ZNF473: variants seen among roughly 807,000 people sequenced by gnomAD.
The protein encoded by ZNF473 is zinc finger protein 100 homolog.
ZNF473 carries 4 observed loss-of-function variants against 11.1 expected under a neutral mutation model. That is an observed-to-expected ratio of 0.36 (90% CI 0.18 to 0.82). The LOEUF is 0.82. Ranked by LOEUF, ZNF473 falls within the 40% of genes least tolerant of loss-of-function variation. ZNF473 has a pLI of 0.49. For synonymous variants in ZNF473, 404 were observed against 390.4 expected (o/e 1.03, Z -0.41); for missense variants, 854 against 1,084.0 (o/e 0.79, Z 2.98).
At chr19:50,029,281 T>G (rs746639077) in intron 1 of ZNF473, among the ~76,000 whole-genome samples, 12 of 152,312 alleles carry the variant, frequency 7.9e-5, no homozygotes, top group Admixed American at 3.3e-4. Flanking sequence ...TAACTGGGAC[T>G]ACAGGCGCCC....
Position 50,039,083 on chromosome 19 carries a change from C to T in ZNF473, c.10-78C>T, listed in dbSNP as rs1978627281. The T allele has an allele frequency of 6.3e-7, 1 of 1,575,144 alleles. No homozygotes were observed. Among genetic ancestry groups the T allele is most frequent in the Non-Finnish European group, 8.7e-7 (1 of 1,152,502 alleles). ...TGCCAAAGCCCTGGCAGATTGAGGG[C>T]TGGGAGTGCCCTGAGTGAGCTGTTG... On this transcript the variant is annotated intron_variant, in intron 2 of 4. Transcript: ENST00000270617. The surrounding 1 kb of genome is among the most constrained non-coding windows in gnomAD (Gnocchi z 4.8).
Position 50,046,339 on chromosome 19 carries a change from C to G in ZNF473, c.1896C>G (p.Ser632=). 1 of 1,614,144 alleles carries G rather than the reference C, an allele frequency of 6.2e-7. No homozygotes were observed. The highest frequency in any genetic ancestry group is 8.5e-7 in the Non-Finnish European group (1 of 1,180,032). ...AAGGGAAAGCCATCAGCAGTGCCTC[C>G]CTTATCAAACTTCAGTCCTTCCACA... is the stretch of plus-strand genomic sequence containing the variant. The part of the protein sequence containing the change: ...GEQGKAISSA[S]LIKLQSFHTK... The change falls in exon 5 of 5, where the codon TCC becomes TCG. Residue 632 remains serine (S), a synonymous_variant. Transcript: ENST00000270617. The surrounding 1 kb of genome is among the most constrained non-coding windows in gnomAD (Gnocchi z 5.9).
rs138208409 is a variant in ZNF473, at chr19:50,046,257, G to A, written c.1814G>A (p.Arg605Gln). ...GGGAAAGCCTTTGGCCAAAGTACTC[G>A]GCTCATTCACCATCAAAGAATCCAC... The part of the protein sequence containing the change: ...QCGKAFGQST[R>Q]LIHHQRIHSR... Residue 605 changes from arginine to glutamine, a missense_variant, in exon 5 of 5, where the codon CGG becomes CAG. Physicochemically the swap from Arg to Gln is conservative, Grantham distance 43. This residue lies in a region of ZNF473 where 668 missense variants were observed against 790.2 expected (regional missense o/e 0.85). Coordinates refer to ENST00000270617, the MANE Select transcript of ZNF473 (RefSeq NM_015428.4). This position sits in a 1 kb window ranked among gnomAD's most constrained non-coding sequence, Gnocchi z 5.9. The A allele has an allele frequency of 1.0e-4, 168 of 1,613,856 alleles. No homozygotes were observed. The highest frequency in any genetic ancestry group is 2.2e-4 in the South Asian group (20 of 91,068).
rs1191801181 is a variant in ZNF473, at chr19:50,045,464, A to T, written c.1021A>T (p.Ile341Phe). The T allele has an allele frequency of 1.2e-6, 2 of 1,614,142 alleles. No homozygotes were observed. The highest frequency in any genetic ancestry group is 1.7e-5 in the Admixed American group (1 of 60,016). ...RIFHLTRHQK[I>F]HTRKRYECSK... Reference sequence around the variant, plus strand: ...CTTCCACCTTACTCGGCACCAGAAGATCCACACTCGGAAACGCTATGAGTG... The same window carrying T: ...CTTCCACCTTACTCGGCACCAGAAGTTCCACACTCGGAAACGCTATGAGTG... The change falls in exon 5 of 5, where the codon ATC becomes TTC. Residue 341 changes from isoleucine (I) to phenylalanine (F), a missense_variant. Transcript: ENST00000270617.
chr19:50,031,468 C>G (rs2077317586), intron 2 of ZNF473, among the ~76,000 whole-genome samples: 1 of 152,192 alleles, frequency 6.6e-6, no homozygotes, highest in African/African-American at 2.4e-5. Flanking sequence ...TACTTTCCAG[C>G]AGCTTCCTTT....
In ZNF473 at chr19:50,045,885, A is replaced by G. The variant is rs1481340519; in HGVS notation, c.1442A>G (p.His481Arg). 2.5e-6 allele frequency: 4 copies of G among 1,614,126 alleles called. No individual in the cohort carries two copies. In the East Asian group the frequency reaches 8.9e-5, roughly 36 times the overall value. Residue 481 changes from histidine (H) to arginine (R), a missense_variant, in exon 5 of 5, where the codon CAC (histidine) becomes CGC (arginine). By Grantham distance (29) the His-to-Arg change is conservative. Transcript: ENST00000270617. ...CATCTGATGCGACATCAGGCCATTC[A>G]CACCGCAGAAAAGCCCTATAGCTGT... is the stretch of plus-strand genomic sequence containing the variant. Reference protein sequence around the residue: ...PSHLMRHQAIHTAEKPYSCAE... With the variant: ...PSHLMRHQAIRTAEKPYSCAE...
intron 2 of ZNF473, among the ~76,000 whole-genome samples, chr19:50,033,514 C>T (rs759352971): frequency 2.0e-5 from 3 of 152,134 alleles, no homozygotes; most frequent in Non-Finnish European, 2.9e-5. Context: ...ACAGGATCCC[C>T]CTTGCTCGTC....
rs1272569309 is a variant in ZNF473, at chr19:50,048,085, G to A, written c.*1026G>A. 1 of 151,036 alleles carries A rather than the reference G, an allele frequency of 6.6e-6. No individual in the cohort carries two copies. The highest frequency in any genetic ancestry group is 2.5e-5 in the African/African-American group (1 of 40,276). The allele number at this position is 151,036 out of a possible 1,614,324, so 9.4% of individuals were successfully genotyped here. A position where few individuals can be genotyped will look rare whatever the true frequency, so the allele number is the denominator to read the frequency against. On this transcript the variant is annotated 3_prime_UTR_variant, in exon 5 of 5. Coordinates refer to ENST00000270617, the MANE Select transcript of ZNF473 (RefSeq NM_015428.4). ...ATACACTATGCACTACTGCTCTGAA[G>A]CTTCTGGAATCAGAAATGAACCCAT...
rs750029359 is a variant in ZNF473, at chr19:50,039,323, C to T, written c.136+36C>T. The T allele has an allele frequency of 2.5e-6, 4 of 1,611,682 alleles. No homozygotes were observed. The highest frequency in any genetic ancestry group is 4.5e-5 in the East Asian group (2 of 44,826). The stretch of plus-strand genomic sequence containing the variant: ...CCTGTCCCCAGGGGCCTACTCACTG[C>T]CCTGCTTGGTGATCACCCATGCTCT... On this transcript the variant is annotated intron_variant, in intron 3 of 4. Coordinates refer to ENST00000270617, the MANE Select transcript of ZNF473 (RefSeq NM_015428.4). The surrounding 1 kb of genome is among the most constrained non-coding windows in gnomAD (Gnocchi z 4.8).
chr19:50,041,568 G>T, intron 3 of ZNF473, 162 bp from the exon 4 acceptor site: 1 of 511,526 alleles, frequency 2.0e-6, no homozygotes, highest in Non-Finnish European at 3.5e-6. Flanking sequence ...AACCCTACAG[G>T]ACAGGCATCC....
rs1979277554 is a variant in ZNF473, at chr19:50,048,640, ACT to A, written c.*1584_*1585del. On this transcript the variant is annotated 3_prime_UTR_variant, in exon 5 of 5. Coordinates refer to ENST00000270617, the MANE Select transcript of ZNF473 (RefSeq NM_015428.4). ...GTTGCAGGGCTGTGACACAATAGGG[ACT>A]CTATGGAAAACTGGCAGCCATTGGG... The A allele has an allele frequency of 6.6e-6, 1 of 152,098 alleles. No homozygotes were observed. The highest frequency in any genetic ancestry group is 6.6e-5 in the Admixed American group (1 of 15,254). The allele number at this position is 152,098 out of a possible 1,614,324, so 9.4% of individuals were successfully genotyped here.
chr19:50,046,731 G>T lies in ZNF473; in HGVS notation c.2288G>T (p.Cys763Phe). The change falls in exon 5 of 5, where the codon TGC becomes TTC. Residue 763 changes from cysteine (C) to phenylalanine (F), a missense_variant. By Grantham distance (205) the Cys-to-Phe change is radical. Transcript: ENST00000270617. The surrounding 1 kb of genome is among the most constrained non-coding windows in gnomAD (Gnocchi z 5.9). ...TGEKPYVCQE[C>F]GKAFTQSSCL... ...GAAAAGCCTTATGTTTGTCAGGAAT[G>T]CGGGAAAGCCTTCACCCAGAGCTCA... 1 of 1,614,214 alleles carries T rather than the reference G, an allele frequency of 6.2e-7. No homozygotes were observed. The highest frequency in any genetic ancestry group is 8.5e-7 in the Non-Finnish European group (1 of 1,180,028).
rs75290703 is a variant in ZNF473 at position 50,040,018 on chromosome 19, C to T, written c.136+731C>T. Among the ~76,000 whole-genome samples, 727 of 152,242 alleles carry T rather than the reference C, an allele frequency of 4.8e-3. 10 individuals carry two copies. Among genetic ancestry groups the T allele is most frequent in the African/African-American group, 0.017 (687 of 41,512 alleles). On this transcript the variant is annotated intron_variant, in intron 3 of 4. Transcript: ENST00000270617. ...AGAAGCTGGGTTGTCCCTCTTTTGC[C>T]GATTGGTCTGAAACTGAGGTTAAAA...
intron 2 of ZNF473, among the ~76,000 whole-genome samples, chr19:50,035,890 T>A (rs911499064): frequency 6.6e-6 from 1 of 152,184 alleles, no homozygotes; most frequent in Non-Finnish European, 1.5e-5. Context: ...CTGGGGATTG[T>A]GTAGCAGATG....
Position 50,046,757 on chromosome 19 carries a change from T to C in ZNF473, c.2314T>C (p.Cys772Arg). ...ECGKAFTQSSCLSIHRRVHTG... is the reference protein window; with the variant it reads ...ECGKAFTQSSRLSIHRRVHTG... ...CGGGAAAGCCTTCACCCAGAGCTCATGCCTTTCTATTCACCGGAGAGTTCA... is the reference window on the plus strand; with the variant it reads ...CGGGAAAGCCTTCACCCAGAGCTCACGCCTTTCTATTCACCGGAGAGTTCA... Residue 772 changes from cysteine (C) to arginine (R), a missense_variant, in exon 5 of 5, where the codon TGC (cysteine) becomes CGC (arginine). This residue lies in a region of ZNF473 where 186 missense variants were observed against 293.8 expected (regional missense o/e 0.63). Coordinates refer to ENST00000270617, the MANE Select transcript of ZNF473 (RefSeq NM_015428.4). This position sits in a 1 kb window ranked among gnomAD's most constrained non-coding sequence, Gnocchi z 5.9. 1 of 1,614,192 alleles carries C rather than the reference T, an allele frequency of 6.2e-7. No individual in the cohort carries two copies.
chr19:50,031,018 G>T lies in ZNF473; in HGVS notation c.-65G>T. 1 of 1,552,814 alleles carries T rather than the reference G, an allele frequency of 6.4e-7. No individual in the cohort carries two copies. Among genetic ancestry groups the T allele is most frequent in the Non-Finnish European group, 8.7e-7 (1 of 1,147,712 alleles). ...GCTCCCTTGTGCTTCCCACAGCCCTGCCAGCCGGGAACACGGAGGGGAAGG... is the reference window on the plus strand; with the variant it reads ...GCTCCCTTGTGCTTCCCACAGCCCTTCCAGCCGGGAACACGGAGGGGAAGG... On this transcript the variant is annotated 5_prime_UTR_variant, in exon 2 of 5. Transcript: ENST00000270617.
At chr19:50,034,929 C>T (rs916361073) in intron 2 of ZNF473, among the ~76,000 whole-genome samples, 3 of 152,134 alleles carry the variant, frequency 2.0e-5, no homozygotes, top group African/African-American at 7.2e-5. Flanking sequence ...GCCTTATCAC[C>T]TGTTCATTCA....
Position 50,039,496 on chromosome 19 carries a change from A to T in ZNF473, c.136+209A>T, listed in dbSNP as rs945971513. Among the ~76,000 whole-genome samples the T allele has an allele frequency of 2.0e-5, 3 of 152,252 alleles. No homozygotes were observed. Among genetic ancestry groups the T allele is most frequent in the Admixed American group, 2.0e-4 (3 of 15,288 alleles). ...CCTTGGGCCAGCGCAGCGTGCCGCT[A>T]GCATCTAGCTGGTGGAACCAAGGGA... is the stretch of plus-strand genomic sequence containing the variant. On this transcript the variant is annotated intron_variant, in intron 3 of 4. Transcript: ENST00000270617. The surrounding 1 kb of genome is among the most constrained non-coding windows in gnomAD (Gnocchi z 4.8).
chr19:50,045,673 A>G lies in ZNF473; in HGVS notation c.1230A>G (p.Lys410=), dbSNP rs1477474781. The change falls in exon 5 of 5, where the codon AAA becomes AAG. Residue 410 remains lysine (K), a synonymous_variant. Coordinates refer to ENST00000270617, the MANE Select transcript of ZNF473 (RefSeq NM_015428.4). The part of the protein sequence containing the change: ...EEPYKCNERG[K]SFRHNSTLKI... ...CTTATAAGTGTAACGAACGTGGGAA[A>G]TCCTTCAGGCATAACTCTACCCTAA... 1 of 1,613,976 alleles carries G rather than the reference A, an allele frequency of 6.2e-7. No individual in the cohort carries two copies. Among genetic ancestry groups the G allele is most frequent in the African/African-American group, 1.3e-5 (1 of 74,880 alleles).
Sources: allele counts gnomAD v4.1 joint callset (sites outside exome capture counted in the v4.1 genomes callset), GRCh38; gene constraint gnomAD v4.1.1; regional missense constraint gnomAD v4.1.1; non-coding constraint Gnocchi (gnomAD v3.1); transcripts MANE v1.5; gene names NCBI Gene and HGNC (gene_info 2026-07-23, HGNC 2026-07-21).